Variants in PAG1 observed in about 807,000 individuals in gnomAD.
PAG1 encodes the protein phosphoprotein membrane anchor with glycosphingolipid microdomains 1, also known as phosphoprotein associated with glycosphingolipid-enriched microdomains 1.
A neutral mutation model predicts 31.7 loss-of-function variants in PAG1; 23 were observed. The ratio of observed to expected loss-of-function variants is 0.73; its 90% CI spans 0.52 to 1.03. The LOEUF (loss-of-function observed/expected upper bound fraction) is 1.03. Ranked by LOEUF, PAG1 falls within the 50% of genes least tolerant of loss-of-function variation. The pLI, the probability that PAG1 is intolerant of heterozygous loss-of-function variation, is 0.00. For missense variants in PAG1, 473 were observed against 540.7 expected (o/e 0.87, Z 1.24); for synonymous variants, 214 against 210.3 (o/e 1.02, Z -0.15).
intron 2 of PAG1, among the ~76,000 whole-genome samples, chr8:81,046,557 T>C (rs1808645144): frequency 1.3e-5 from 2 of 152,250 alleles, no homozygotes; most frequent in African/African-American, 4.8e-5. Flanking sequence ...AAAATGTTTT[T>C]CTTTTTAGTA....
At chr8:81,044,351 A>T (rs992993494) in intron 2 of PAG1, among the ~76,000 whole-genome samples, 6 of 152,212 alleles carry the variant, frequency 3.9e-5, no homozygotes, top group African/African-American at 1.2e-4. Flanking sequence ...TTGGATACAG[A>T]AACAGATGTG....
chr8:81,064,176 T>C (rs1808965821), intron 2 of PAG1, among the ~76,000 whole-genome samples: 1 of 152,090 alleles, frequency 6.6e-6, no homozygotes, highest in East Asian at 1.9e-4. Context: ...CAGGGACCGG[T>C]TTCATGGAAG....
chr8:81,007,152 C>T (rs1236973752), intron 3 of PAG1, among the ~76,000 whole-genome samples: 3 of 152,098 alleles, frequency 2.0e-5, no homozygotes, highest in Admixed American at 6.5e-5. Context: ...GCCTATGATA[C>T]AGCGGCAAGG....
At chr8:81,056,140 C>G (rs1478119277) in intron 2 of PAG1, among the ~76,000 whole-genome samples, 1 of 152,126 alleles carries the variant, frequency 6.6e-6, no homozygotes, top group Non-Finnish European at 1.5e-5. Flanking sequence ...CCATCAATAC[C>G]TAATTTGTTG....
chr8:80,982,428 T>C (rs1278693439), intron 7 of PAG1, among the ~76,000 whole-genome samples: 1 of 152,160 alleles, frequency 6.6e-6, no homozygotes, highest in African/African-American at 2.4e-5. Context: ...CCTGTTTTTG[T>C]TTCCTACTTT....
intron 1 of PAG1, among the ~76,000 whole-genome samples, chr8:81,106,976 A>G (rs1483648330): frequency 6.6e-6 from 1 of 152,170 alleles, no homozygotes; most frequent in African/African-American, 2.4e-5. Flanking sequence ...CACTGCTGAT[A>G]CTTCTTTAGA....
At chr8:81,081,410 A>C (rs1809264561) in intron 1 of PAG1, among the ~76,000 whole-genome samples, 11 of 152,214 alleles carry the variant, frequency 7.2e-5, no homozygotes, top group Admixed American at 7.2e-4. Flanking sequence ...CTTATAATAA[A>C]GAGGGATCTC....
intron 4 of PAG1, among the ~76,000 whole-genome samples, chr8:80,992,087 G>A (rs541893619): frequency 6.6e-6 from 1 of 152,170 alleles, no homozygotes; most frequent in Non-Finnish European, 1.5e-5. Flanking sequence ...AGAATACGCC[G>A]CCCATCCACG....
At chr8:81,020,324 AG>A (rs1808141586) in intron 3 of PAG1, among the ~76,000 whole-genome samples, 1 of 152,150 alleles carries the variant, frequency 6.6e-6, no homozygotes. Context: ...GGGAGGGGCC[AG>A]GGGTAGAATG....
At chr8:81,070,553 T>C (rs968943766) in intron 1 of PAG1, among the ~76,000 whole-genome samples, 2 of 151,916 alleles carry the variant, frequency 1.3e-5, no homozygotes, top group African/African-American at 4.8e-5. Context: ...GCACTGCACC[T>C]GCACACCTCA....
In PAG1 at chr8:80,976,636, C is replaced by G. The variant is rs768037548; in HGVS notation, c.1207G>C (p.Gly403Arg). Residue 403 changes from glycine to arginine, a missense_variant, in exon 9 of 9, where the codon GGG becomes CGG. Coordinates refer to ENST00000220597, the MANE Select transcript of PAG1 (RefSeq NM_018440.4). ...LNREEEKATL[G>R]TNGHHGLVPK... ...ACGAGACCGTGGTGGCCATTGGTCC[C>G]CAGGGTGGCCTTTTCTTCCTCTCTG... 2 of 1,614,036 alleles carry G rather than the reference C, an allele frequency of 1.2e-6. No individual in the cohort carries two copies. The highest frequency in any genetic ancestry group is 2.7e-5 in the African/African-American group (2 of 74,922).
chr8:81,001,856 C>T (rs1017504617), intron 3 of PAG1, among the ~76,000 whole-genome samples: 13 of 152,192 alleles, frequency 8.5e-5, no homozygotes, highest in African/African-American at 3.1e-4. Flanking sequence ...CAGGTATTCA[C>T]AACCTCCAGG....
chr8:81,046,052 G>C (rs1460722044), intron 2 of PAG1, among the ~76,000 whole-genome samples: 1 of 152,076 alleles, frequency 6.6e-6, no homozygotes, highest in Non-Finnish European at 1.5e-5. Flanking sequence ...ATACTCTTAA[G>C]TCGGTAAATA....
intron 2 of PAG1, among the ~76,000 whole-genome samples, chr8:81,067,282 C>T (rs548690223): frequency 1.2e-4 from 19 of 152,272 alleles, no homozygotes; most frequent in Admixed American, 1.2e-3. Context: ...CTTTTTTCTT[C>T]CTTGAGAGTA....
intron 2 of PAG1, among the ~76,000 whole-genome samples, chr8:81,058,881 A>T (rs544371429): frequency 6.6e-6 from 1 of 152,354 alleles, no homozygotes; most frequent in East Asian, 1.9e-4. Context: ...TGGGCAACAG[A>T]GCAAGATCCT....
intron 1 of PAG1, among the ~76,000 whole-genome samples, chr8:81,091,280 G>C (rs544399763): frequency 1.3e-5 from 2 of 152,318 alleles, no homozygotes; most frequent in South Asian, 4.1e-4. Context: ...TGCCGAATTA[G>C]AGTTTCATAT....
intron 2 of PAG1, among the ~76,000 whole-genome samples, chr8:81,048,293 C>CT (rs1176289782): frequency 6.6e-6 from 1 of 152,128 alleles, no homozygotes; most frequent in African/African-American, 2.4e-5. Context: ...GGGGAGAATG[C>CT]TTTTTTCCCT....
intron 7 of PAG1, among the ~76,000 whole-genome samples, chr8:80,982,021 A>G (rs1027160270): frequency 1.3e-5 from 2 of 151,948 alleles, no homozygotes; most frequent in African/African-American, 2.4e-5. Context: ...GCATACCACC[A>G]TGCCCAGTTA....
At chr8:81,046,368 C>G (rs1476421965) in intron 2 of PAG1, among the ~76,000 whole-genome samples, 1 of 152,148 alleles carries the variant, frequency 6.6e-6, no homozygotes, top group African/African-American at 2.4e-5. Context: ...TTTTTACCAC[C>G]TATGATGTGA....
Sources: allele counts gnomAD v4.1 joint callset (sites outside exome capture counted in the v4.1 genomes callset), GRCh38; gene constraint gnomAD v4.1.1; transcripts MANE v1.5; gene names NCBI Gene and HGNC (gene_info 2026-07-23, HGNC 2026-07-21).